KCNH7: variants seen among roughly 807,000 people sequenced by gnomAD.
KCNH7 encodes the protein voltage-gated inwardly rectifying potassium channel KCNH7.
Under a neutral mutation model 120.8 loss-of-function variants are expected in KCNH7, and 49 were observed. The ratio of observed to expected loss-of-function variants is 0.41; its 90% CI spans 0.32 to 0.51. The LOEUF (loss-of-function observed/expected upper bound fraction) is 0.51, where lower values mean the gene tolerates loss of function less well. Ranked by LOEUF, KCNH7 falls within the 20% of genes least tolerant of loss-of-function variation. KCNH7 has a pLI of 0.38. For synonymous variants in KCNH7, 547 were observed against 516.1 expected, an observed-to-expected ratio of 1.06 and a Z score of -0.81; for missense variants, 1,097 against 1,446.6, an observed-to-expected ratio of 0.76 and a Z score of 3.92.
At chr2:162,574,433 T>C (rs953363653) in intron 2 of KCNH7, among the ~76,000 whole-genome samples, 4 of 152,018 alleles carry the variant, frequency 2.6e-5, no homozygotes, top group Non-Finnish European at 4.4e-5. Flanking sequence ...AACTCAATTA[T>C]ATACCTGTTA....
intron 2 of KCNH7, among the ~76,000 whole-genome samples, chr2:162,798,651 C>T (rs1684231624): frequency 6.6e-6 from 1 of 151,898 alleles, no homozygotes. Context: ...GATTCTGTCA[C>T]CTTCTAAAAA....
At chr2:162,722,437 T>A (rs2105375453) in intron 2 of KCNH7, among the ~76,000 whole-genome samples, 1 of 152,206 alleles carries the variant, frequency 6.6e-6, no homozygotes, top group South Asian at 2.1e-4. Context: ...GACTTTTTTT[T>A]AAAGAGAAGC....
chr2:162,809,842 T>A (rs931322521), intron 2 of KCNH7, among the ~76,000 whole-genome samples: 1 of 152,134 alleles, frequency 6.6e-6, no homozygotes, highest in Admixed American at 6.5e-5. Context: ...TAAAAGTTTT[T>A]ATAATTTTAG....
intron 5 of KCNH7, among the ~76,000 whole-genome samples, chr2:162,507,217 C>A (rs572118358): frequency 6.6e-6 from 1 of 151,818 alleles, no homozygotes; most frequent in African/African-American, 2.4e-5. Context: ...GTTTAGTTTA[C>A]AATCTGTGTT....
chr2:162,636,331 C>G (rs1247273869), intron 2 of KCNH7, among the ~76,000 whole-genome samples: 1 of 152,046 alleles, frequency 6.6e-6, no homozygotes, highest in East Asian at 1.9e-4. Context: ...CAGCATTTAC[C>G]TGGATCATTC....
At chr2:162,626,379 A>G (rs1683559123) in intron 2 of KCNH7, among the ~76,000 whole-genome samples, 2 of 152,192 alleles carry the variant, frequency 1.3e-5, no homozygotes, top group East Asian at 1.9e-4. Flanking sequence ...AGAAATAATC[A>G]TAAAACAAAT....
chr2:162,798,720 G>GT (rs1468001059), intron 2 of KCNH7, among the ~76,000 whole-genome samples: 22 of 152,044 alleles, frequency 1.4e-4, no homozygotes, highest in African/African-American at 5.3e-4. Flanking sequence ...CCTTAAAACT[G>GT]TATCTTAAAA....
intron 2 of KCNH7, among the ~76,000 whole-genome samples, chr2:162,761,491 C>T (rs185089944): frequency 2.8e-4 from 43 of 152,142 alleles, no homozygotes; most frequent in Admixed American, 1.0e-3. Context: ...AAAAAATGTT[C>T]CCCAAAGTCA....
intron 2 of KCNH7, among the ~76,000 whole-genome samples, chr2:162,805,210 C>A (rs763470652): frequency 2.6e-5 from 4 of 151,760 alleles, no homozygotes; most frequent in Non-Finnish European, 4.4e-5. Context: ...AAAGCAAATG[C>A]AACAAAAATA....
At chr2:162,483,534 C>A (rs950863858) in intron 6 of KCNH7, among the ~76,000 whole-genome samples, 1 of 150,230 alleles carries the variant, frequency 6.7e-6, no homozygotes, top group East Asian at 2.0e-4. Context: ...TCACTGTATT[C>A]TTTGTTTTTT....
intron 1 of KCNH7, 98 bp downstream of exon 1, chr2:162,838,345 G>T: frequency 1.1e-6 from 1 of 940,788 alleles, no homozygotes; most frequent in Non-Finnish European, 1.7e-6. Flanking sequence ...AGTTGACAGA[G>T]CCTGGAGTTG....
intron 7 of KCNH7, among the ~76,000 whole-genome samples, chr2:162,440,050 A>G (rs1033940308): frequency 1.3e-5 from 2 of 151,770 alleles, no homozygotes; most frequent in Non-Finnish European, 2.9e-5. Context: ...TAAATTGTCT[A>G]CAGTTAAATG....
intron 2 of KCNH7, among the ~76,000 whole-genome samples, chr2:162,683,923 T>C (rs1232416332): frequency 6.6e-6 from 1 of 152,030 alleles, no homozygotes; most frequent in Non-Finnish European, 1.5e-5. Context: ...TCTGGAGGCA[T>C]CACACTACCT....
chr2:162,435,727 A>G, intron 7 of KCNH7, 130 bp from the exon 8 acceptor site: 1 of 875,658 alleles, frequency 1.1e-6, no homozygotes, highest in Non-Finnish European at 1.7e-6. Flanking sequence ...ATTTAAATTC[A>G]GTATTAAACT....
intron 5 of KCNH7, among the ~76,000 whole-genome samples, chr2:162,507,232 G>A (rs56735242): frequency 0.079 from 12,018 of 151,652 alleles, 510 homozygotes; most frequent in East Asian, 0.11. Flanking sequence ...TGTGTTTGGA[G>A]CTGTTATTTG....
intron 2 of KCNH7, among the ~76,000 whole-genome samples, chr2:162,622,316 G>C (rs1683392690): frequency 6.6e-6 from 1 of 152,194 alleles, no homozygotes; most frequent in Non-Finnish European, 1.5e-5. Context: ...TGCGAGCAGT[G>C]AGGGAAAAGG....
At chr2:162,513,259 CTCCTTCCT>C (rs1691148254) in intron 4 of KCNH7, among the ~76,000 whole-genome samples, 1 of 122,110 alleles carries the variant, frequency 8.2e-6, no homozygotes, top group Admixed American at 1.2e-4. Context: ...CCCTCTTTCC[CTCCTTCCT>C]TCCCTCCTTC....
At chr2:162,600,209 G>A (rs1041223239) in intron 2 of KCNH7, among the ~76,000 whole-genome samples, 2 of 152,020 alleles carry the variant, frequency 1.3e-5, no homozygotes, top group African/African-American at 4.8e-5. Flanking sequence ...GGCAAAAGGT[G>A]TACACTATGT....
chr2:162,648,334 T>C (rs1034860298), intron 2 of KCNH7, among the ~76,000 whole-genome samples: 3 of 152,120 alleles, frequency 2.0e-5, no homozygotes, highest in African/African-American at 7.2e-5. Context: ...CCAGATCTCC[T>C]GAGAAGTAAC....
Sources: gnomAD v4.1 joint callset for allele counts (sites outside exome capture counted in the v4.1 genomes callset) on GRCh38, gnomAD v4.1.1 for gene constraint, MANE v1.5 for transcripts, NCBI Gene and HGNC (gene_info 2026-07-23, HGNC 2026-07-21) for gene names.